The following TRPM3 variants were observed in gnomAD, a reference collection of about 807,000 sequenced individuals.
The protein encoded by TRPM3 is transient receptor potential cation channel subfamily M member 3.
Under a neutral mutation model 181.2 loss-of-function variants are expected in TRPM3, and 77 were observed. That is an observed-to-expected ratio of 0.42 (90% CI 0.35 to 0.51). The LOEUF is 0.51. TRPM3 is among the 20% of genes least tolerant of loss of function. The pLI, the probability that TRPM3 is intolerant of heterozygous loss-of-function variation, is 0.01. For missense variants in TRPM3, 1,759 were observed against 2,196.7 expected (o/e 0.80, Z 3.98); for synonymous variants, 745 against 796.4 (o/e 0.94, Z 1.09).
At chr9:71,006,825 C>G (rs1459112575) in intron 1 of TRPM3, among the ~76,000 whole-genome samples, 2 of 145,004 alleles carry the variant, frequency 1.4e-5, no homozygotes, top group Non-Finnish European at 3.0e-5. Flanking sequence ...GAGCCGAGAT[C>G]GCGCCACTGC....
intron 8 of TRPM3, among the ~76,000 whole-genome samples, chr9:70,739,862 C>T (rs1345399490): frequency 6.6e-6 from 1 of 152,132 alleles, no homozygotes; most frequent in Non-Finnish European, 1.5e-5. Context: ...AAGTGATCTG[C>T]CCGTCTTGGC....
At position 70,661,957 on chromosome 9, in the gene TRPM3, T is replaced by G. The variant is rs369370039; in HGVS notation, c.1345+19549A>C. Among the ~76,000 whole-genome samples the G allele has an allele frequency of 1.4e-3, 207 of 152,216 alleles. 3 individuals carry two copies. The South Asian group carries it at 0.02, about 14-fold the overall frequency. Reference sequence around the variant, plus strand: ...ATATGGAAGCAAAAAAGATCCCACATAGCCAAAGAAATACTAAGCTGAAAG... The same window carrying G: ...ATATGGAAGCAAAAAAGATCCCACAGAGCCAAAGAAATACTAAGCTGAAAG... On this transcript the variant is annotated intron_variant, in intron 9 of 25. Transcript: ENST00000677713.
chr9:71,371,797 T>A (rs914773464), intron 1 of TRPM3, among the ~76,000 whole-genome samples: 1 of 151,878 alleles, frequency 6.6e-6, no homozygotes, highest in Non-Finnish European at 1.5e-5. Context: ...TGGTGAAGAG[T>A]CAATCATTTT....
chr9:70,643,852 G>C (rs912048689), intron 9 of TRPM3, among the ~76,000 whole-genome samples: 5 of 152,204 alleles, frequency 3.3e-5, no homozygotes, highest in African/African-American at 4.8e-5. Flanking sequence ...AGAACTTCTA[G>C]TGTAGATAGC....
At chr9:71,303,935 T>C (rs2087016486) in intron 1 of TRPM3, among the ~76,000 whole-genome samples, 1 of 152,168 alleles carries the variant, frequency 6.6e-6, no homozygotes, top group South Asian at 2.1e-4. Context: ...TACAAAAACT[T>C]GTGGAACACA....
At chr9:71,379,408 C>T (rs1344207415) in intron 1 of TRPM3, among the ~76,000 whole-genome samples, 1 of 152,158 alleles carries the variant, frequency 6.6e-6, no homozygotes, top group Admixed American at 6.6e-5. Context: ...GACTAACTGG[C>T]ATTTATTTAC....
chr9:70,822,893 C>T (rs2093296243), intron 6 of TRPM3, among the ~76,000 whole-genome samples: 1 of 151,944 alleles, frequency 6.6e-6, no homozygotes, highest in African/African-American at 2.4e-5. Flanking sequence ...TCAATATGCC[C>T]ATGTGTCACT....
intron 1 of TRPM3, among the ~76,000 whole-genome samples, chr9:71,287,738 G>A (rs774753847): frequency 6.6e-6 from 1 of 151,828 alleles, no homozygotes; most frequent in Non-Finnish European, 1.5e-5. Context: ...TCTCACAGCA[G>A]CAACATAAGA....
chr9:70,587,705 G>T (rs75610529), intron 22 of TRPM3, among the ~76,000 whole-genome samples: 2,885 of 152,270 alleles, frequency 0.019, 41 homozygotes, highest in Middle Eastern at 0.027. Context: ...ACCCAAAAGG[G>T]TGTCATCATT....
chr9:70,878,628 T>C (rs2095917623), intron 1 of TRPM3, among the ~76,000 whole-genome samples: 1 of 152,132 alleles, frequency 6.6e-6, no homozygotes. Flanking sequence ...AAATCGATTA[T>C]GCACATGGAT....
At chr9:70,580,443 T>G (rs542163403) in intron 22 of TRPM3, among the ~76,000 whole-genome samples, 1 of 151,960 alleles carries the variant, frequency 6.6e-6, no homozygotes, top group South Asian at 2.1e-4. Flanking sequence ...ACCCCCACAA[T>G]GCATAGAATC....
intron 6 of TRPM3, among the ~76,000 whole-genome samples, chr9:70,792,780 G>C (rs944123573): frequency 2.0e-5 from 3 of 152,128 alleles, no homozygotes; most frequent in Admixed American, 6.6e-5. Flanking sequence ...ACCAGGGGTA[G>C]ATAGTTTTTT....
intron 16 of TRPM3, among the ~76,000 whole-genome samples, chr9:70,619,558 C>T (rs1037755854): frequency 2.6e-4 from 39 of 151,698 alleles, no homozygotes; most frequent in African/African-American, 5.3e-4. Context: ...GGACTACAGG[C>T]GTGCACCATC....
intron 1 of TRPM3, among the ~76,000 whole-genome samples, chr9:70,866,926 G>A (rs2095661852): frequency 6.6e-6 from 1 of 151,872 alleles, no homozygotes; most frequent in Non-Finnish European, 1.5e-5. Context: ...TGAACAGTCT[G>A]GCTTCAGAGT....
intron 9 of TRPM3, among the ~76,000 whole-genome samples, chr9:70,668,688 A>AAAAAAAAAAAAAAAAAAT (rs1210996265): frequency 6.6e-6 from 1 of 150,636 alleles, no homozygotes; most frequent in African/African-American, 2.4e-5. Context: ...AAAAAAAAAA[A>AAAAAAAAAAAAAAAAAAT]AAAAAAAAAG....
chr9:71,224,228 G>A (rs189030750), intron 1 of TRPM3, among the ~76,000 whole-genome samples: 30 of 152,282 alleles, frequency 2.0e-4, no homozygotes, highest in African/African-American at 7.0e-4. Flanking sequence ...AGAAAGTAAG[G>A]GAAGAAAACA....
At chr9:70,841,334 T>A (rs1428049262) in intron 5 of TRPM3, among the ~76,000 whole-genome samples, 1 of 151,984 alleles carries the variant, frequency 6.6e-6, no homozygotes, top group African/African-American at 2.4e-5. Context: ...AAGTTTTAAT[T>A]AAGAGAATAT....
At chr9:70,538,536 C>T (rs1032029730) in intron 25 of TRPM3, among the ~76,000 whole-genome samples, 1 of 152,178 alleles carries the variant, frequency 6.6e-6, no homozygotes, top group African/African-American at 2.4e-5. Context: ...TCAAGCGATC[C>T]TCCTGGCTCA....
Position 70,847,265 on chromosome 9 carries a change from A to T in TRPM3, c.463-674T>A, listed in dbSNP as rs140893550. Reference sequence around the variant, plus strand: ...TAAGTCTATATAAATGAAATACTATAAATACATGCAGTAATAATTATGTAT... The same window carrying T: ...TAAGTCTATATAAATGAAATACTATTAATACATGCAGTAATAATTATGTAT... On this transcript the variant is annotated intron_variant, in intron 3 of 25. Coordinates refer to ENST00000677713, the MANE Select transcript of TRPM3 (RefSeq NM_001366145.2). Among the ~76,000 whole-genome samples the T allele has an allele frequency of 1.1e-4, 17 of 152,332 alleles. 1 individual carries two copies. In the East Asian group the frequency reaches 3.3e-3, roughly 29 times the overall value.
Sources: allele counts gnomAD v4.1 joint callset (sites outside exome capture counted in the v4.1 genomes callset), GRCh38; gene constraint gnomAD v4.1.1; transcripts MANE v1.5; gene names NCBI Gene and HGNC (gene_info 2026-07-23, HGNC 2026-07-21).